The following CBARP variants were observed in gnomAD, a reference collection of about 807,000 sequenced individuals.
CBARP encodes CACN subunit beta associated regulatory protein.
In CBARP, 24 loss-of-function variants were observed where a neutral mutation model predicts 36.3. That is an observed-to-expected ratio of 0.66 (90% CI 0.48 to 0.93). The LOEUF (loss-of-function observed/expected upper bound fraction) is 0.93. Among genes scored for constraint, CBARP ranks in the 40% least tolerant of loss-of-function variants. The probability of loss-of-function intolerance (pLI) is 0.00; values close to 1 mark genes in which losing one functional copy is unlikely to be tolerated. For missense variants in CBARP, 1,146 were observed against 980.4 expected, an observed-to-expected ratio of 1.17 and a Z score of -2.26; for synonymous variants, 586 against 453.2, an observed-to-expected ratio of 1.29 and a Z score of -3.72.
At position 1,233,478 on chromosome 19, in the gene CBARP, G is replaced by T. The variant is rs2080920529; in HGVS notation, c.927C>A (p.Val309=). Residue 309 remains valine (V), a synonymous_variant, in exon 8 of 10, where the codon GTC becomes GTA. Coordinates refer to ENST00000650044, the MANE Select transcript of CBARP (RefSeq NM_001393918.1). ...GGCTGGGCTCCAGCTTCCACTTCTT[G>T]ACCTTGAAATAGGGGCTGGCCCCAT... ...SLDGASPYFK[V]KKWKLEPSQR... The T allele has an allele frequency of 1.2e-6, 2 of 1,604,602 alleles. No individual in the cohort carries two copies. The highest frequency in any genetic ancestry group is 2.7e-5 in the African/African-American group (2 of 74,846).
At chr19:1,235,461 T>C in intron 4 of CBARP, 40 bp downstream of exon 4, 1 of 1,532,750 alleles carries the variant, frequency 6.5e-7, no homozygotes, top group Non-Finnish European at 8.8e-7. Flanking sequence ...GAGGGGCGGA[T>C]GGACAGGCGA....
chr19:1,230,980 G>A, intron 9 of CBARP, 121 bp downstream of exon 9: 3 of 1,555,662 alleles, frequency 1.9e-6, no homozygotes, highest in Non-Finnish European at 2.6e-6. Context: ...CCTTGCCGCT[G>A]GAGGCAGGCG....
At chr19:1,230,363 A>G in intron 9 of CBARP, 1 of 986,978 alleles carries the variant, frequency 1.0e-6, no homozygotes, top group South Asian at 4.7e-5. Context: ...GGGTGCCTCC[A>G]TGCTGGACTG....
intron 9 of CBARP, 59 bp downstream of exon 9, chr19:1,231,042 G>C (rs766926207): frequency 5.1e-6 from 8 of 1,557,810 alleles, no homozygotes; most frequent in Non-Finnish European, 7.0e-6. Context: ...CTAGGGGGGG[G>C]CGAAGGGGGG....
upstream of CBARP, chr19:1,238,134 C>T (rs2081001411): frequency 6.6e-6 from 1 of 151,302 alleles, no homozygotes; most frequent in Non-Finnish European, 1.5e-5. Context: ...CGAGCCCCGC[C>T]CCCGGCCCAT....
chr19:1,230,577 C>T, intron 9 of CBARP: 4 of 1,148,454 alleles, frequency 3.5e-6, no homozygotes, highest in Non-Finnish European at 4.3e-6. Flanking sequence ...AGTGCACAGA[C>T]GTGAGGGTCA....
intron 1 of CBARP, 86 bp from the exon 2 acceptor site, chr19:1,236,207 A>G: frequency 7.5e-7 from 1 of 1,339,368 alleles, no homozygotes; most frequent in Non-Finnish European, 9.5e-7. Context: ...TCCCTGCAGG[A>G]GCAGGAGCCC....
chr19:1,230,060 G>A lies in CBARP; in HGVS notation c.1237C>T (p.Gln413Ter). The part of the protein sequence containing the change: ...RGAGSAGPEQ[Q>*]QPPLEPDAER... ...GCGTCCGGCTCCAGTGGCGGCTGCT[G>A]CTGCTCAGGCCCCGCGCTGCCCGCG... Residue 413 changes from glutamine to a stop codon, truncating the protein, a stop_gained, in exon 10 of 10, where the codon CAG becomes TAG. Transcript: ENST00000650044. LOFTEE classifies it low-confidence loss of function (END_TRUNC). 8.3e-7 allele frequency: 1 copy of A among 1,207,332 alleles called. No individual in the cohort carries two copies. The highest frequency in any genetic ancestry group is 9.4e-5 in the East Asian group (1 of 10,658). 74.8% of individuals were successfully genotyped at this position (1,207,332 alleles called of 1,614,324 possible).
intron 8 of CBARP, 63 bp downstream of exon 8, chr19:1,233,363 C>A: frequency 2.8e-6 from 4 of 1,452,534 alleles, no homozygotes; most frequent in South Asian, 1.3e-5. Flanking sequence ...ATGTCCAGGG[C>A]AGCCCCTGGC....
rs779047295 is a variant in CBARP at position 1,229,171 on chromosome 19, C to T, written c.*8G>A. 1.3e-4 allele frequency: 141 copies of T among 1,114,936 alleles called. 2 individuals are homozygous for T. The African/African-American group carries it at 2.2e-3, about 17-fold the overall frequency. The allele number at this position is 1,114,936 out of a possible 1,614,324, so 69.1% of individuals were successfully genotyped here. A position where few individuals can be genotyped will look rare whatever the true frequency, so the allele number is the denominator to read the frequency against. On this transcript the variant is annotated 3_prime_UTR_variant, in exon 10 of 10. Transcript: ENST00000650044. The surrounding 1 kb of genome is among the most constrained non-coding windows in gnomAD (Gnocchi z 5.1). Reference sequence around the variant, plus strand: ...AGCTGCCAGAGAGATGGGCCCAGGACGCGGGACTTAGGCCGGGCTGTGGTC... The same window carrying T: ...AGCTGCCAGAGAGATGGGCCCAGGATGCGGGACTTAGGCCGGGCTGTGGTC...
chr19:1,231,586 ACCCCCCATGCCTGTGCC>A (rs1439936632), intron 8 of CBARP, among the ~76,000 whole-genome samples: 1 of 50,048 alleles, frequency 2.0e-5, no homozygotes, highest in African/African-American at 8.7e-5. Context: ...ACGCCTGTGC[ACCCCCCATGCCTGTGCC>A]CCCCCCACAG....
Position 1,234,315 on chromosome 19 carries a change from A to G in CBARP, c.644T>C (p.Leu215Pro). Residue 215 changes from leucine to proline, a missense_variant, in exon 7 of 10, where the codon CTC (leucine) becomes CCC (proline). Physicochemically the swap from Leu to Pro is moderately conservative, Grantham distance 98. Coordinates refer to ENST00000650044, the MANE Select transcript of CBARP (RefSeq NM_001393918.1). ...LAIFQPPGKALTGRSVGPSSA... is the reference protein window; with the variant it reads ...LAIFQPPGKAPTGRSVGPSSA... Reference sequence around the variant, plus strand: ...GCTGGGGCCCACAGAGCGGCCGGTGAGGGCCTTCCCCGGGGGCTGTGGGAC... The same window carrying G: ...GCTGGGGCCCACAGAGCGGCCGGTGGGGGCCTTCCCCGGGGGCTGTGGGAC... 6.9e-7 allele frequency: 1 copy of G among 1,443,994 alleles called. No individual in the cohort carries two copies. The highest frequency in any genetic ancestry group is 9.1e-7 in the Non-Finnish European group (1 of 1,095,876). The allele number at this position is 1,443,994 out of a possible 1,614,324, so 89.4% of individuals were successfully genotyped here. A position where few individuals can be genotyped will look rare whatever the true frequency, so the allele number is the denominator to read the frequency against.
rs958627737 is a variant in CBARP at position 1,230,658 on chromosome 19, C to T, written c.1154+443G>A. 1.7e-5 allele frequency: 22 copies of T among 1,275,058 alleles called. No individual in the cohort carries two copies. The South Asian group carries it at 2.0e-4, about 11-fold the overall frequency. 79.0% of individuals were successfully genotyped at this position (1,275,058 alleles called of 1,614,324 possible). Reference sequence around the variant, plus strand: ...CCACGCCCCATTCCCATCCCACCGACGTGGGCCCTGGGCTTCAGGGAAGTT... The same window carrying T: ...CCACGCCCCATTCCCATCCCACCGATGTGGGCCCTGGGCTTCAGGGAAGTT... On this transcript the variant is annotated intron_variant, in intron 9 of 9. Transcript: ENST00000650044.
intron 7 of CBARP, 115 bp downstream of exon 7, chr19:1,234,076 G>T: frequency 7.9e-7 from 1 of 1,261,564 alleles, no homozygotes; most frequent in Non-Finnish European, 1.0e-6. Flanking sequence ...GGCGGGCCAA[G>T]GAGGGCTGCG....
chr19:1,233,390 A>ACAGGGGCC, intron 8 of CBARP, 36 bp downstream of exon 8: 2 of 1,532,458 alleles, frequency 1.3e-6, no homozygotes, highest in Non-Finnish European at 1.8e-6. Context: ...CACCCAGCCC[A>ACAGGGGCC]CAGGGGCCCA....
Position 1,231,264 on chromosome 19 carries a change from G to T in CBARP, c.991C>A (p.Arg331=). 1.9e-6 allele frequency: 3 copies of T among 1,600,736 alleles called. No homozygotes were observed. The highest frequency in any genetic ancestry group is 1.7e-6 in the Non-Finnish European group (2 of 1,179,472). ...GCCCGCTGCCGCTGGAAGTGGTGCC[G>T]CTTGGGGGAACCTGCGCACGGGATG... ...ASLDTRGSPK[R]HHFQRQRAAS... Residue 331 remains arginine, a synonymous_variant, in exon 9 of 10, where the codon CGG becomes AGG. Transcript: ENST00000650044.
In CBARP at chr19:1,229,395, G is replaced by A; in HGVS notation, c.1902C>T (p.Ala634=). ...TGACGGGGATGGCGGGGTCGTCGCC[G>A]GCGCCGCCCAGGGTGCGACCGTCGG... is the stretch of plus-strand genomic sequence containing the variant. ...GPPDGRTLGG[A]GDDPAIPVIE... Residue 634 remains alanine, a synonymous_variant, in exon 10 of 10, where the codon GCC becomes GCT. Coordinates refer to ENST00000650044, the MANE Select transcript of CBARP (RefSeq NM_001393918.1). This position sits in a 1 kb window ranked among gnomAD's most constrained non-coding sequence, Gnocchi z 5.1. 1.8e-6 allele frequency: 2 copies of A among 1,100,930 alleles called. No individual in the cohort carries two copies. The highest frequency in any genetic ancestry group is 1.8e-5 in the South Asian group (1 of 54,920). The allele number at this position is 1,100,930 out of a possible 1,614,324, so 68.2% of individuals were successfully genotyped here. A position where few individuals can be genotyped will look rare whatever the true frequency, so the allele number is the denominator to read the frequency against.
chr19:1,233,752 A>T, intron 7 of CBARP, 116 bp from the exon 8 acceptor site: 2 of 1,030,020 alleles, frequency 1.9e-6, no homozygotes, highest in Non-Finnish European at 2.8e-6. Flanking sequence ...ACTGGGACAG[A>T]GAGGGGTACC....
At chr19:1,234,389 G>A in intron 6 of CBARP, 58 bp from the exon 7 acceptor site, 1 of 1,436,920 alleles carries the variant, frequency 7.0e-7, no homozygotes, top group South Asian at 1.5e-5. Flanking sequence ...GCATGGGTGG[G>A]TGAGGGACAT....
Sources: gnomAD v4.1 joint callset for allele counts (sites outside exome capture counted in the v4.1 genomes callset) on GRCh38, gnomAD v4.1.1 for gene constraint, Gnocchi (gnomAD v3.1) non-coding constraint, MANE v1.5 for transcripts, NCBI Gene and HGNC (gene_info 2026-07-23, HGNC 2026-07-21) for gene names.